The following GPC5 variants were observed in gnomAD, a reference collection of about 807,000 sequenced individuals.
The protein encoded by GPC5 is glypican 5, also known as glypican-5.
In GPC5, 47 loss-of-function variants were observed where a neutral mutation model predicts 53.9. The observed-to-expected ratio is 0.87, with a 90% CI of 0.69 to 1.11. The LOEUF is 1.11. Among genes scored for constraint, GPC5 ranks in the 50% most tolerant of loss-of-function variants. The probability of loss-of-function intolerance (pLI) is 0.00; values close to 1 mark genes in which losing one functional copy is unlikely to be tolerated. For synonymous variants in GPC5, 286 were observed against 263.3 expected, an observed-to-expected ratio of 1.09 and a Z score of -0.84; for missense variants, 748 against 713.1, an observed-to-expected ratio of 1.05 and a Z score of -0.56.
chr13:92,223,874 C>T (rs572391251), intron 7 of GPC5, among the ~76,000 whole-genome samples: 10 of 152,128 alleles, frequency 6.6e-5, no homozygotes, highest in South Asian at 4.2e-4. Flanking sequence ...TTGGCCTTAC[C>T]GCTGAGAAGC....
intron 7 of GPC5, among the ~76,000 whole-genome samples, chr13:92,806,790 A>G (rs533234554): frequency 2.3e-4 from 35 of 152,182 alleles, no homozygotes; most frequent in African/African-American, 8.2e-4. Flanking sequence ...CAATTACACC[A>G]GTAACATCAA....
chr13:91,728,662 G>A lies in GPC5; in HGVS notation c.1151G>A (p.Arg384Lys). 6.2e-7 allele frequency: 1 copy of A among 1,606,582 alleles called. No individual in the cohort carries two copies. Among genetic ancestry groups the A allele is most frequent in the Non-Finnish European group, 8.5e-7 (1 of 1,176,374 alleles). The change falls in exon 4 of 8, where the codon AGA becomes AAA. Residue 384 changes from arginine to lysine, a missense_variant. Transcript: ENST00000377067. Reference protein sequence around the residue: ...RNSEETLANRRKEFINSLRLY... With the variant: ...RNSEETLANRKKEFINSLRLY... ...AGTGAAGAGACGCTTGCCAACAGAA[G>A]AAAGTAAGACATTTGTTTTACAACC... is the stretch of plus-strand genomic sequence containing the variant.
rs1415583600 is a variant in GPC5 at position 91,789,127 on chromosome 13, C to T, written c.1280+32707C>T. ...ACTCAGGAGACTGAAGCAGGAGAAT[C>T]GCTTGAACCCGGGAGGTGGAGGTTG... is the stretch of plus-strand genomic sequence containing the variant. On this transcript the variant is annotated intron_variant, in intron 5 of 7. Coordinates refer to ENST00000377067, the MANE Select transcript of GPC5 (RefSeq NM_004466.6). Among the ~76,000 whole-genome samples the T allele has an allele frequency of 3.9e-5, 6 of 152,086 alleles. No individual in the cohort carries two copies. The South Asian group carries it at 1.2e-3, about 32-fold the overall frequency.
At chr13:92,863,519 G>GT (rs559431482) in intron 7 of GPC5, among the ~76,000 whole-genome samples, 120 of 152,212 alleles carry the variant, frequency 7.9e-4, no homozygotes, top group African/African-American at 2.8e-3. Flanking sequence ...TCGAGATGGA[G>GT]TTTCGTTCTT....
chr13:92,146,285 A>G (rs2041866884), intron 7 of GPC5, among the ~76,000 whole-genome samples: 1 of 152,096 alleles, frequency 6.6e-6, no homozygotes. Flanking sequence ...GTTAAGTCAA[A>G]TATAATTAAA....
intron 7 of GPC5, among the ~76,000 whole-genome samples, chr13:92,371,084 A>C (rs1197849047): frequency 2.6e-5 from 4 of 152,168 alleles, no homozygotes; most frequent in African/African-American, 9.7e-5. Flanking sequence ...CAGGAGGCGG[A>C]AGTTGCAGTG....
At chr13:92,020,092 T>C (rs942746681) in intron 6 of GPC5, among the ~76,000 whole-genome samples, 4 of 152,124 alleles carry the variant, frequency 2.6e-5, no homozygotes, top group Non-Finnish European at 4.4e-5. Context: ...GTCTGCTTTC[T>C]TCATTTTCAA....
chr13:92,534,739 AAAATG>A (rs1426744032), intron 7 of GPC5, among the ~76,000 whole-genome samples: 1 of 152,224 alleles, frequency 6.6e-6, no homozygotes, highest in African/African-American at 2.4e-5. Flanking sequence ...ATTAAGCAGT[AAAATG>A]AAATGGTATC....
At chr13:92,515,502 A>AT (rs1287087957) in intron 7 of GPC5, among the ~76,000 whole-genome samples, 1 of 152,158 alleles carries the variant, frequency 6.6e-6, no homozygotes, top group African/African-American at 2.4e-5. Context: ...GGAAGGTGGC[A>AT]TTTTTGTTTG....
intron 2 of GPC5, among the ~76,000 whole-genome samples, chr13:91,509,508 C>A (rs1885124599): frequency 6.6e-6 from 1 of 151,264 alleles, no homozygotes; most frequent in Non-Finnish European, 1.5e-5. Flanking sequence ...AATAGATATT[C>A]ATGAAAAGTT....
chr13:92,572,838 T>C (rs1378530594), intron 7 of GPC5, among the ~76,000 whole-genome samples: 2 of 152,150 alleles, frequency 1.3e-5, no homozygotes, highest in Non-Finnish European at 2.9e-5. Flanking sequence ...ACTAGGGGGA[T>C]TGCAGTTCTC....
chr13:92,546,883 T>C (rs1882136828), intron 7 of GPC5, among the ~76,000 whole-genome samples: 1 of 152,104 alleles, frequency 6.6e-6, no homozygotes, highest in Non-Finnish European at 1.5e-5. Flanking sequence ...AACTATCTGA[T>C]CTTTCACAAA....
At chr13:91,648,359 T>C (rs533188199) in intron 2 of GPC5, among the ~76,000 whole-genome samples, 1 of 131,666 alleles carries the variant, frequency 7.6e-6, no homozygotes, top group African/African-American at 4.1e-5. Flanking sequence ...TTAAGACAGG[T>C]TTTTTTTTTC....
At chr13:92,386,944 T>G (rs1258257669) in intron 7 of GPC5, among the ~76,000 whole-genome samples, 1 of 152,118 alleles carries the variant, frequency 6.6e-6, no homozygotes, top group Non-Finnish European at 1.5e-5. Flanking sequence ...CTAACTCTTT[T>G]GGAATTCAAT....
chr13:91,698,629 G>A (rs746722094), intron 3 of GPC5, among the ~76,000 whole-genome samples: 20 of 152,288 alleles, frequency 1.3e-4, no homozygotes, highest in African/African-American at 2.9e-4. Flanking sequence ...ACAAAAAAGC[G>A]TAGGGAAGAA....
chr13:92,236,120 T>A (rs1426153936), intron 7 of GPC5, among the ~76,000 whole-genome samples: 1 of 152,094 alleles, frequency 6.6e-6, no homozygotes, highest in Non-Finnish European at 1.5e-5. Flanking sequence ...TTTAATAGAA[T>A]CTTCTTCAAA....
intron 7 of GPC5, among the ~76,000 whole-genome samples, chr13:92,182,184 A>G (rs973000313): frequency 1.3e-5 from 2 of 152,226 alleles, no homozygotes; most frequent in South Asian, 2.1e-4. Context: ...ATTAATTTGG[A>G]AAGAGGTTTA....
At chr13:92,513,152 G>C (rs1358489980) in intron 7 of GPC5, among the ~76,000 whole-genome samples, 1 of 152,182 alleles carries the variant, frequency 6.6e-6, no homozygotes, top group African/African-American at 2.4e-5. Flanking sequence ...CTTGAATACT[G>C]TTCTTCTAGG....
chr13:92,717,361 C>T lies in GPC5; in HGVS notation c.1562-148921C>T, dbSNP rs571446870. 6.6e-5 allele frequency among the ~76,000 whole-genome samples: 10 copies of T among 152,188 alleles called. No individual in the cohort carries two copies. In the South Asian group the frequency reaches 1.5e-3, roughly 22 times the overall value. The stretch of plus-strand genomic sequence containing the variant: ...GCAAGTCTACACCTCTGCCGCCAGA[C>T]ATATACCATGAATATAATATTTACT... On this transcript the variant is annotated intron_variant, in intron 7 of 7. Transcript: ENST00000377067.
Sources: allele counts gnomAD v4.1 joint callset (sites outside exome capture counted in the v4.1 genomes callset), GRCh38; gene constraint gnomAD v4.1.1; transcripts MANE v1.5; gene names NCBI Gene and HGNC (gene_info 2026-07-23, HGNC 2026-07-21).